The following LPIN1 variants were observed in gnomAD, a reference collection of about 807,000 sequenced individuals.
LPIN1 encodes phosphatidate phosphatase LPIN1.
In LPIN1, 71 loss-of-function variants were observed where a neutral mutation model predicts 107.5. That is an observed-to-expected ratio of 0.66 (90% CI 0.55 to 0.80). The LOEUF is 0.80. Among genes scored for constraint, LPIN1 ranks in the 30% least tolerant of loss-of-function variants. The pLI is 0.00. For missense variants in LPIN1, 1,043 were observed against 1,160.6 expected, an observed-to-expected ratio of 0.90 and a Z score of 1.47; for synonymous variants, 445 against 452.6, an observed-to-expected ratio of 0.98 and a Z score of 0.21.
chr2:11,689,782 G>A (rs1662181643), intron 1 of LPIN1, among the ~76,000 whole-genome samples: 1 of 152,004 alleles, frequency 6.6e-6, no homozygotes, highest in African/African-American at 2.4e-5. Flanking sequence ...GCGGGTGCCT[G>A]TATTCCCAGC....
chr2:11,688,520 C>G (rs557145859), intron 1 of LPIN1, among the ~76,000 whole-genome samples: 2 of 152,170 alleles, frequency 1.3e-5, no homozygotes, highest in African/African-American at 4.8e-5. Context: ...TCCTCATTTA[C>G]CCCGTAAAAG....
chr2:11,764,335 T>G (rs897268310), intron 1 of LPIN1: 5 of 151,936 alleles, frequency 3.3e-5, no homozygotes, highest in Non-Finnish European at 7.4e-5. Context: ...TTAGTAGAGA[T>G]GGGATTATGC....
rs778372334 is a variant in LPIN1 at position 11,804,487 on chromosome 2, G to C, written c.2078G>C (p.Gly693Ala). The C allele has an allele frequency of 1.2e-6, 2 of 1,614,164 alleles. No homozygotes were observed. Among genetic ancestry groups the C allele is most frequent in the Non-Finnish European group, 1.7e-6 (2 of 1,180,018 alleles). The change falls in exon 16 of 21, where the codon GGC (glycine) becomes GCC (alanine). Residue 693 changes from glycine to alanine, a missense_variant. Coordinates refer to ENST00000674199, the MANE Select transcript of LPIN1 (RefSeq NM_001349206.2). ...VVFSVTTQYQ[G>A]TCRCEGTIYL... ...TTCAGTGTCACCACGCAGTACCAAGGCACGTGCCGCTGTGAGGGCACCATC... is the reference window on the plus strand; with the variant it reads ...TTCAGTGTCACCACGCAGTACCAAGCCACGTGCCGCTGTGAGGGCACCATC...
intron 1 of LPIN1, among the ~76,000 whole-genome samples, chr2:11,726,628 C>CT (rs1202528132): frequency 6.6e-6 from 1 of 152,160 alleles, no homozygotes. Context: ...CCTCGAGCCT[C>CT]TGGGACTTTA....
chr2:11,812,086 C>G (rs982772206), intron 17 of LPIN1, among the ~76,000 whole-genome samples: 2 of 152,190 alleles, frequency 1.3e-5, no homozygotes, highest in African/African-American at 4.8e-5. Context: ...TGTCTTAAAA[C>G]TTTCTCATTT....
At chr2:11,691,712 G>C (rs1258241532) in intron 1 of LPIN1, among the ~76,000 whole-genome samples, 1 of 152,206 alleles carries the variant, frequency 6.6e-6, no homozygotes, top group African/African-American at 2.4e-5. Context: ...TGAGCCACAA[G>C]CATGCTTTCT....
intron 7 of LPIN1, 26 bp from the exon 8 acceptor site, chr2:11,782,175 C>G (rs531478834): frequency 3.2e-6 from 5 of 1,578,758 alleles, no homozygotes; most frequent in Middle Eastern, 1.7e-4. Flanking sequence ...GTCTCTCTCT[C>G]TGTCCCTCTC....
At chr2:11,728,796 C>T (rs192656026) in intron 1 of LPIN1, among the ~76,000 whole-genome samples, 5 of 151,696 alleles carry the variant, frequency 3.3e-5, no homozygotes, top group African/African-American at 1.2e-4. Flanking sequence ...TTCTATATAT[C>T]TCTTAAATAC....
At chr2:11,805,712 T>C (rs1678557775) in intron 17 of LPIN1, among the ~76,000 whole-genome samples, 1 of 152,250 alleles carries the variant, frequency 6.6e-6, no homozygotes, top group Admixed American at 6.5e-5. Context: ...ACTGCTCTCC[T>C]GTGCTGGGTA....
intron 14 of LPIN1, among the ~76,000 whole-genome samples, chr2:11,796,906 T>G (rs540236993): frequency 1.3e-5 from 2 of 152,308 alleles, no homozygotes; most frequent in African/African-American, 4.8e-5. Context: ...GAATCCCAGC[T>G]TTGCTCCTCG....
At chr2:11,824,519 A>T (rs78481689) in intron 20 of LPIN1, 113 bp from the exon 21 acceptor site, 2 of 982,794 alleles carry the variant, frequency 2.0e-6, no homozygotes, top group Admixed American at 1.8e-5. Flanking sequence ...AGTCGTGTCG[A>T]TAAGTAGGCG....
intron 1 of LPIN1, among the ~76,000 whole-genome samples, chr2:11,696,046 C>CTTTTTTTTTTTTT (rs531347349): frequency 7.9e-6 from 1 of 126,086 alleles, no homozygotes; most frequent in African/African-American, 3.3e-5. Context: ...GCTGACTCTC[C>CTTTTTTTTTTTTT]TTTTTTTTTT....
intron 1 of LPIN1, among the ~76,000 whole-genome samples, chr2:11,753,059 C>T (rs972120483): frequency 2.6e-5 from 4 of 152,014 alleles, no homozygotes; most frequent in African/African-American, 7.3e-5. Context: ...TACAGATGAG[C>T]TTAATTATGG....
chr2:11,776,084 A>C lies in LPIN1; in HGVS notation c.723-2A>C, dbSNP rs368632476. Reference sequence around the variant, plus strand: ...TAATGTGTATCACGTGGTGGTATCCAGTAGCCTGGTAGATTGCAAAAGGAC... The same window carrying C: ...TAATGTGTATCACGTGGTGGTATCCCGTAGCCTGGTAGATTGCAAAAGGAC... On this transcript the variant is annotated splice_acceptor_variant, in intron 5 of 20. Transcript: ENST00000674199. LOFTEE classifies it high-confidence loss of function. The C allele has an allele frequency of 5.2e-4, 805 of 1,541,290 alleles. 5 individuals carry two copies. The South Asian group carries it at 8.9e-3, about 17-fold the overall frequency.
Position 11,811,941 on chromosome 2 carries a change from T to C in LPIN1, c.2250-3147T>C, listed in dbSNP as rs111733285. On this transcript the variant is annotated intron_variant, in intron 17 of 20. Coordinates refer to ENST00000674199, the MANE Select transcript of LPIN1 (RefSeq NM_001349206.2). Reference sequence around the variant, plus strand: ...CGGAGGTAGCAGTGAGCTGAGATCGTGCCACTGCACTCCAGCCTGGTGACA... The same window carrying C: ...CGGAGGTAGCAGTGAGCTGAGATCGCGCCACTGCACTCCAGCCTGGTGACA... Among the ~76,000 whole-genome samples the C allele has an allele frequency of 6.1e-3, 923 of 152,138 alleles. 10 individuals carry two copies. Among genetic ancestry groups the C allele is most frequent in the African/African-American group, 0.019 (770 of 41,492 alleles).
At chr2:11,772,758 G>C (rs1672062416) in intron 4 of LPIN1, among the ~76,000 whole-genome samples, 1 of 152,128 alleles carries the variant, frequency 6.6e-6, no homozygotes, top group Non-Finnish European at 1.5e-5. Flanking sequence ...GATATTTGAT[G>C]TTTCAGATTT....
rs374190632 is a variant in LPIN1, at chr2:11,824,784, C to A, written c.2774C>A (p.Ser925Ter). The A allele has an allele frequency of 6.2e-7, 1 of 1,614,196 alleles. No homozygotes were observed. Among genetic ancestry groups the A allele is most frequent in the African/African-American group, 1.3e-5 (1 of 75,066 alleles). The change falls in exon 21 of 21, where the codon TCA (serine) becomes TAA (stop). Residue 925 changes from serine (S) to a stop codon, truncating the protein, a stop_gained. Coordinates refer to ENST00000674199, the MANE Select transcript of LPIN1 (RefSeq NM_001349206.2). LOFTEE classifies it high-confidence loss of function. ...PFENQDIHSA[S>*]A ...GAAAACCAGGACATTCATTCTGCCT[C>A]AGCGTAAAATGTCCCAAGCAGCCTC...
chr2:11,746,671 G>A lies in LPIN1; in HGVS notation c.-10G>A, dbSNP rs900670727. 39 of 984,510 alleles carry A rather than the reference G, an allele frequency of 4.0e-5. No homozygotes were observed. Among genetic ancestry groups the A allele is most frequent in the Non-Finnish European group, 4.7e-5 (39 of 829,388 alleles). The allele number at this position is 984,510 out of a possible 1,614,324, so 61.0% of individuals were successfully genotyped here. A position where few individuals can be genotyped will look rare whatever the true frequency, so the allele number is the denominator to read the frequency against. ...AAGGCGGCCACGCGCGGCGCCGCTC[G>A]GTGAGTAGCCGCCGCCTCCAGCCTC... On this transcript the variant is annotated splice_region_variant and 5_prime_UTR_variant, in exon 1 of 21. Coordinates refer to ENST00000674199, the MANE Select transcript of LPIN1 (RefSeq NM_001349206.2).
intron 1 of LPIN1, among the ~76,000 whole-genome samples, chr2:11,751,586 C>T (rs1179234723): frequency 6.6e-6 from 1 of 152,216 alleles, no homozygotes; most frequent in Non-Finnish European, 1.5e-5. Context: ...GGCGCGGTGG[C>T]TCACGCCTGT....
Sources: allele counts gnomAD v4.1 joint callset (sites outside exome capture counted in the v4.1 genomes callset), GRCh38; gene constraint gnomAD v4.1.1; transcripts MANE v1.5; gene names NCBI Gene and HGNC (gene_info 2026-07-23, HGNC 2026-07-21).